The following MYO1E variants were observed in gnomAD, a reference collection of about 807,000 sequenced individuals.
The protein encoded by MYO1E is myosin IE.
In MYO1E, 68 loss-of-function variants were observed where a neutral mutation model predicts 151.1. The ratio of observed to expected loss-of-function variants is 0.45; its 90% CI spans 0.37 to 0.55. The LOEUF is 0.55. MYO1E is among the 20% of genes least tolerant of loss of function. MYO1E has a pLI of 0.00. For synonymous variants in MYO1E, 601 were observed against 501.7 expected (o/e 1.20, Z -2.64); for missense variants, 1,363 against 1,389.3 (o/e 0.98, Z 0.30).
rs960890641 is a variant in MYO1E at position 59,217,823 on chromosome 15, C to T, written c.1107+68G>A. 5.5e-5 allele frequency: 87 copies of T among 1,567,736 alleles called. No homozygotes were observed. The African/African-American group carries it at 1.1e-3, about 19-fold the overall frequency. On this transcript the variant is annotated intron_variant, in intron 10 of 27. Coordinates refer to ENST00000288235, the MANE Select transcript of MYO1E (RefSeq NM_004998.4). The stretch of plus-strand genomic sequence containing the variant: ...GATTACAGGTGTGAGCCACCGCACC[C>T]AGCCTACTAGTTTTACTCTTTATAG...
At chr15:59,162,299 G>A (rs1431039187) in intron 23 of MYO1E, among the ~76,000 whole-genome samples, 5 of 152,118 alleles carry the variant, frequency 3.3e-5, no homozygotes, top group South Asian at 2.1e-4. Flanking sequence ...AGATTAGAGG[G>A]TCAACAGTAT....
chr15:59,183,950 C>A (rs1029727932), intron 18 of MYO1E, among the ~76,000 whole-genome samples: 1 of 152,140 alleles, frequency 6.6e-6, no homozygotes, highest in Non-Finnish European at 1.5e-5. Context: ...TCTTTCTGTG[C>A]CTGGTTTGTT....
Position 59,261,512 on chromosome 15 carries a change from GA to G in MYO1E, c.148-4del. 1 of 1,567,688 alleles carries G rather than the reference GA, an allele frequency of 6.4e-7. No individual in the cohort carries two copies. The highest frequency in any genetic ancestry group is 1.1e-5 in the South Asian group (1 of 90,066). On this transcript the variant is annotated splice_polypyrimidine_tract_variant and splice_region_variant and intron_variant, in intron 2 of 27. Coordinates refer to ENST00000288235, the MANE Select transcript of MYO1E (RefSeq NM_004998.4). ...ATTAATACAGATCCTATATATGTCT[GA>G]ATTTAACTCAGTTAAGGTCCATCAT...
intron 1 of MYO1E, among the ~76,000 whole-genome samples, chr15:59,305,630 C>G (rs2080510373): frequency 6.6e-6 from 1 of 152,202 alleles, no homozygotes. Context: ...GTCTCTTCCT[C>G]TATTCAGATT....
At chr15:59,189,694 C>T (rs775090429) in intron 17 of MYO1E, among the ~76,000 whole-genome samples, 15 of 152,308 alleles carry the variant, frequency 9.8e-5, no homozygotes, top group South Asian at 2.1e-4. Flanking sequence ...CCTGCCTCAG[C>T]ATCTCGAATA....
At chr15:59,275,572 TG>T (rs1262330103) in intron 1 of MYO1E, among the ~76,000 whole-genome samples, 1 of 152,210 alleles carries the variant, frequency 6.6e-6, no homozygotes, top group African/African-American at 2.4e-5. Context: ...GGTTTTCTAA[TG>T]GTAACTTCTG....
chr15:59,191,370 A>AGAGAGAGAGAGAGAGAGAGAG (rs1491073271), intron 17 of MYO1E, among the ~76,000 whole-genome samples: 15 of 123,328 alleles, frequency 1.2e-4, no homozygotes, highest in African/African-American at 4.1e-4. Context: ...GAGAGAGAGA[A>AGAGAGAGAGAGAGAGAGAGAG]AGAAATGTCA....
At chr15:59,217,409 T>C (rs551342099) in intron 10 of MYO1E, among the ~76,000 whole-genome samples, 2 of 150,538 alleles carry the variant, frequency 1.3e-5, no homozygotes, top group East Asian at 3.9e-4. Context: ...GGTGGGCAGT[T>C]CTAGAAGGAA....
intron 25 of MYO1E, 89 bp downstream of exon 25, chr15:59,158,198 G>T: frequency 8.7e-7 from 1 of 1,145,960 alleles, no homozygotes; most frequent in Non-Finnish European, 1.3e-6. Flanking sequence ...TGTGTGCATT[G>T]ATTTGCTAAT....
intron 26 of MYO1E, among the ~76,000 whole-genome samples, chr15:59,138,749 C>A (rs747450633): frequency 3.3e-5 from 5 of 152,162 alleles, no homozygotes; most frequent in Non-Finnish European, 5.9e-5. Context: ...CCACAGAAGC[C>A]TGTAGGCATT....
chr15:59,158,466 G>A (rs1190113033), intron 24 of MYO1E, 87 bp from the exon 25 acceptor site: 4 of 1,047,924 alleles, frequency 3.8e-6, no homozygotes, highest in Non-Finnish European at 5.8e-6. Flanking sequence ...AAATTTTTGA[G>A]AAGCTTGGAT....
intron 2 of MYO1E, 108 bp downstream of exon 2, chr15:59,272,198 A>G: frequency 7.7e-7 from 1 of 1,295,320 alleles, no homozygotes; most frequent in South Asian, 1.2e-5. Context: ...AGCCTTCCAA[A>G]GTGCTGGGAT....
chr15:59,215,991 G>T (rs1160327133), intron 10 of MYO1E, among the ~76,000 whole-genome samples: 1 of 152,110 alleles, frequency 6.6e-6, no homozygotes, highest in Non-Finnish European at 1.5e-5. Context: ...TGTTTAGTAT[G>T]ACCCTGACCT....
chr15:59,160,442 C>T (rs1344677826), intron 24 of MYO1E, among the ~76,000 whole-genome samples: 1 of 149,416 alleles, frequency 6.7e-6, no homozygotes, highest in African/African-American at 2.5e-5. Context: ...GCTCTGTCAC[C>T]TAGGCTGGGG....
chr15:59,269,943 T>C (rs1170453387), intron 2 of MYO1E, among the ~76,000 whole-genome samples: 1 of 151,982 alleles, frequency 6.6e-6, no homozygotes, highest in African/African-American at 2.4e-5. Context: ...TATTTGAGAC[T>C]TTGCAGAGAG....
intron 1 of MYO1E, among the ~76,000 whole-genome samples, chr15:59,275,589 A>C (rs956519667): frequency 2.0e-5 from 3 of 152,206 alleles, no homozygotes; most frequent in African/African-American, 4.8e-5. Context: ...TTCTGTCTTT[A>C]GTGACCACTC....
chr15:59,260,342 C>T (rs1253827610), intron 3 of MYO1E, among the ~76,000 whole-genome samples: 1 of 152,208 alleles, frequency 6.6e-6, no homozygotes, highest in Admixed American at 6.5e-5. Flanking sequence ...AGGTCTTTCG[C>T]GTGGCAGCCT....
chr15:59,280,282 C>G (rs1191206365), intron 1 of MYO1E, among the ~76,000 whole-genome samples: 11 of 152,160 alleles, frequency 7.2e-5, no homozygotes, highest in Admixed American at 7.2e-4. Flanking sequence ...TGTATTCCAT[C>G]AACTCTAAGA....
intron 1 of MYO1E, among the ~76,000 whole-genome samples, chr15:59,335,876 G>T (rs1203343212): frequency 1.3e-5 from 2 of 151,938 alleles, no homozygotes; most frequent in East Asian, 3.9e-4. Flanking sequence ...TGAGTGTCAC[G>T]GACTATAAGC....
Sources: gnomAD v4.1 joint callset for allele counts (sites outside exome capture counted in the v4.1 genomes callset) on GRCh38, gnomAD v4.1.1 for gene constraint, MANE v1.5 for transcripts, NCBI Gene and HGNC (gene_info 2026-07-23, HGNC 2026-07-21) for gene names.